The following RASGEF1C variants were observed in gnomAD, a reference collection of about 807,000 sequenced individuals.
RASGEF1C encodes RasGEF domain family member 1C.
In RASGEF1C, 27 loss-of-function variants were observed where a neutral mutation model predicts 58.1. The ratio of observed to expected loss-of-function variants is 0.46; its 90% CI spans 0.34 to 0.64. The LOEUF is 0.64. Ranked by LOEUF, RASGEF1C falls within the 30% of genes least tolerant of loss-of-function variation. The probability of loss-of-function intolerance (pLI) is 0.01; values close to 1 mark genes in which losing one functional copy is unlikely to be tolerated. For missense variants in RASGEF1C, 502 were observed against 605.1 expected (o/e 0.83, Z 1.79); for synonymous variants, 243 against 246.3 (o/e 0.99, Z 0.13).
Position 180,159,475 on chromosome 5 carries a change from G to A in RASGEF1C, c.-6-21417C>T, listed in dbSNP as rs28582012. On this transcript the variant is annotated intron_variant, in intron 1 of 13. Coordinates refer to ENST00000361132, the MANE Select transcript of RASGEF1C (RefSeq NM_175062.4). ...TTATTTAAAGTTTTCTTCTTCCTGC[G>A]CTGCCTTTTTGTTTCCTCCAATTTG... 9.7e-3 allele frequency among the ~76,000 whole-genome samples: 1,471 copies of A among 152,248 alleles called. 26 individuals are homozygous for A. Among genetic ancestry groups the A allele is most frequent in the African/African-American group, 0.034 (1,403 of 41,538 alleles).
intron 1 of RASGEF1C, among the ~76,000 whole-genome samples, chr5:180,191,323 A>G (rs909794159): frequency 2.6e-5 from 4 of 152,160 alleles, no homozygotes; most frequent in African/African-American, 4.8e-5. Flanking sequence ...TGTCCACACA[A>G]AGACTTGCTT....
At chr5:180,101,992 C>T in intron 13 of RASGEF1C, 79 bp downstream of exon 13, 1 of 712,422 alleles carries the variant, frequency 1.4e-6, no homozygotes. Flanking sequence ...GTCCCCGGGT[C>T]CCACCTCGGC....
intron 1 of RASGEF1C, among the ~76,000 whole-genome samples, chr5:180,144,295 C>T (rs563198214): frequency 1.3e-5 from 2 of 152,308 alleles, no homozygotes; most frequent in African/African-American, 2.4e-5. Context: ...GCTGAAACCA[C>T]GTCCCAACAG....
At chr5:180,126,214 T>C (rs1022529972) in intron 6 of RASGEF1C, among the ~76,000 whole-genome samples, 5 of 152,136 alleles carry the variant, frequency 3.3e-5, no homozygotes, top group Non-Finnish European at 7.4e-5. Context: ...GAGACCATCA[T>C]GGCTTACACG....
intron 12 of RASGEF1C, among the ~76,000 whole-genome samples, chr5:180,103,073 T>C (rs1383104184): frequency 1.3e-5 from 2 of 152,220 alleles, no homozygotes; most frequent in Non-Finnish European, 2.9e-5. Context: ...TTGATTTCTT[T>C]CATCAGCATT....
At chr5:180,151,908 G>A (rs1162530084) in intron 1 of RASGEF1C, among the ~76,000 whole-genome samples, 2 of 151,852 alleles carry the variant, frequency 1.3e-5, no homozygotes, top group Non-Finnish European at 2.9e-5. Flanking sequence ...AGTGGGCGAA[G>A]GATATGAACA....
intron 4 of RASGEF1C, among the ~76,000 whole-genome samples, chr5:180,133,175 A>C (rs556113447): frequency 2.6e-5 from 4 of 152,234 alleles, no homozygotes; most frequent in African/African-American, 9.6e-5. Flanking sequence ...CTGGGCTGCC[A>C]TGACACTCCT....
intron 1 of RASGEF1C, among the ~76,000 whole-genome samples, chr5:180,152,175 T>A (rs867197787): frequency 3.7e-4 from 57 of 152,102 alleles, no homozygotes; most frequent in African/African-American, 7.7e-4. Context: ...CCCTCAGGGA[T>A]CTAGAACTAG....
At chr5:180,153,015 T>A (rs1766788626) in intron 1 of RASGEF1C, among the ~76,000 whole-genome samples, 1 of 152,098 alleles carries the variant, frequency 6.6e-6, no homozygotes, top group African/African-American at 2.4e-5. Flanking sequence ...GCTGTACCTT[T>A]CCCAGGGAAA....
chr5:180,167,313 T>C (rs1767037732), intron 1 of RASGEF1C, among the ~76,000 whole-genome samples: 1 of 152,152 alleles, frequency 6.6e-6, no homozygotes, highest in Non-Finnish European at 1.5e-5. Context: ...CTATCTTCAA[T>C]ATCCCTGATC....
At chr5:180,190,581 T>C (rs1409856372) in intron 1 of RASGEF1C, among the ~76,000 whole-genome samples, 1 of 145,906 alleles carries the variant, frequency 6.9e-6, no homozygotes, top group African/African-American at 2.5e-5. Context: ...TGGGGGGCTG[T>C]AGTAGGAGAA....
rs1219339241 is a variant in RASGEF1C at position 180,101,121 on chromosome 5, T to G, written c.*380A>C. The G allele has an allele frequency of 4.2e-6, 1 of 238,734 alleles. No homozygotes were observed. The highest frequency in any genetic ancestry group is 8.1e-6 in the Non-Finnish European group (1 of 122,772). The allele number at this position is 238,734 out of a possible 1,614,324, so 14.8% of individuals were successfully genotyped here. On this transcript the variant is annotated 3_prime_UTR_variant, in exon 14 of 14. Transcript: ENST00000361132. ...GTTCCCAAGCCACGTGGTGACAGAC[T>G]GTGGGTGGTGGCCAAAGTGGCACAT...
rs1470245393 is a variant in RASGEF1C, at chr5:180,197,006, T to C, written c.-7+12022A>G. On this transcript the variant is annotated intron_variant, in intron 1 of 13. Coordinates refer to ENST00000361132, the MANE Select transcript of RASGEF1C (RefSeq NM_175062.4). The surrounding 1 kb of genome is among the most constrained non-coding windows in gnomAD (Gnocchi z 4.7). ...CTGACTTCACCCCAGAATGTGGAGC[T>C]GGGTGTGCTGCCCGAGGCTGGCGTC... Among the ~76,000 whole-genome samples, 1 of 152,194 alleles carries C rather than the reference T, an allele frequency of 6.6e-6. No homozygotes were observed. The highest frequency in any genetic ancestry group is 1.5e-5 in the Non-Finnish European group (1 of 68,028).
At chr5:180,190,112 G>A (rs945308869) in intron 1 of RASGEF1C, among the ~76,000 whole-genome samples, 7 of 151,898 alleles carry the variant, frequency 4.6e-5, no homozygotes. Flanking sequence ...ACTTTGGGAG[G>A]CCAAGGTATT....
intron 1 of RASGEF1C, among the ~76,000 whole-genome samples, chr5:180,179,575 G>A (rs1767288499): frequency 6.6e-6 from 1 of 152,168 alleles, no homozygotes; most frequent in African/African-American, 2.4e-5. Context: ...CAGCAAGAAA[G>A]CAGTGATCAA....
At chr5:180,147,615 C>T (rs1766676682) in intron 1 of RASGEF1C, among the ~76,000 whole-genome samples, 1 of 151,906 alleles carries the variant, frequency 6.6e-6, no homozygotes, top group Non-Finnish European at 1.5e-5. Flanking sequence ...TCCAGTTTTC[C>T]TTCTATTATT....
At chr5:180,111,635 A>G (rs1423633367) in intron 11 of RASGEF1C, 55 bp from the exon 12 acceptor site, 2 of 1,605,976 alleles carry the variant, frequency 1.2e-6, no homozygotes, top group Non-Finnish European at 1.7e-6. Flanking sequence ...GGAGGTCCCC[A>G]TGAGGGGGAG....
Position 180,174,158 on chromosome 5 carries a change from G to A in RASGEF1C, c.-7+34870C>T, listed in dbSNP as rs1015010656. On this transcript the variant is annotated intron_variant, in intron 1 of 13. Transcript: ENST00000361132. The stretch of plus-strand genomic sequence containing the variant: ...GATGAATGCTGAGTGACTTCGGGCA[G>A]ACTGTTTATCTGAAAATAACTCCAA... Among the ~76,000 whole-genome samples the A allele has an allele frequency of 4.6e-5, 7 of 152,048 alleles. No individual in the cohort carries two copies. In the East Asian group the frequency reaches 5.8e-4, roughly 13 times the overall value.
intron 10 of RASGEF1C, 84 bp from the exon 11 acceptor site, chr5:180,114,625 A>G (rs1433625048): frequency 7.5e-7 from 1 of 1,331,696 alleles, no homozygotes; most frequent in Admixed American, 2.0e-5. Flanking sequence ...GCCAGCAGAT[A>G]GCTGCCCCAG....
Sources: gnomAD v4.1 joint callset for allele counts (sites outside exome capture counted in the v4.1 genomes callset) on GRCh38, gnomAD v4.1.1 for gene constraint, Gnocchi (gnomAD v3.1) non-coding constraint, MANE v1.5 for transcripts, NCBI Gene and HGNC (gene_info 2026-07-23, HGNC 2026-07-21) for gene names.